Variants in ARHGAP42 observed in about 807,000 individuals in gnomAD.
ARHGAP42 encodes rho GTPase-activating protein 42.
In ARHGAP42, 63 loss-of-function variants were observed where a neutral mutation model predicts 125.0. That is an observed-to-expected ratio of 0.50 (90% CI 0.41 to 0.62). The LOEUF (loss-of-function observed/expected upper bound fraction) is 0.62, where lower values mean the gene tolerates loss of function less well. Among genes scored for constraint, ARHGAP42 ranks in the 20% least tolerant of loss-of-function variants. The pLI is 0.00. For synonymous variants in ARHGAP42, 339 were observed against 351.0 expected, an observed-to-expected ratio of 0.97 and a Z score of 0.38; for missense variants, 766 against 1,024.2, an observed-to-expected ratio of 0.75 and a Z score of 3.44.
In ARHGAP42 at chr11:100,934,031, C is replaced by G. The variant is rs11224525; in HGVS notation, c.702+771C>G. On this transcript the variant is annotated intron_variant, in intron 7 of 23. Transcript: ENST00000298815. ...CGAACTCCCGACCTCAGGTGATCCA[C>G]CCGCCACGGCCTCCCAAGTGCTGGG... Among the ~76,000 whole-genome samples the G allele has an allele frequency of 2.6e-3, 393 of 152,294 alleles. 2 individuals carry two copies. The highest frequency in any genetic ancestry group is 9.1e-3 in the African/African-American group (379 of 41,556).
intron 3 of ARHGAP42, among the ~76,000 whole-genome samples, chr11:100,815,113 G>A (rs953200042): frequency 3.3e-5 from 5 of 152,130 alleles, no homozygotes; most frequent in African/African-American, 1.2e-4. Context: ...GTTTTAGTTT[G>A]TCTCCATTAA....
chr11:100,855,066 G>T (rs1449918443), intron 3 of ARHGAP42, among the ~76,000 whole-genome samples: 1 of 152,040 alleles, frequency 6.6e-6, no homozygotes. Context: ...AATTATTTTT[G>T]CAATGAACTG....
At chr11:100,870,086 C>G (rs376984483) in intron 4 of ARHGAP42, among the ~76,000 whole-genome samples, 1 of 152,182 alleles carries the variant, frequency 6.6e-6, no homozygotes, top group South Asian at 2.1e-4. Flanking sequence ...AGACTGAAAT[C>G]TTGCTATACA....
intron 1 of ARHGAP42, among the ~76,000 whole-genome samples, chr11:100,738,155 T>C (rs1862105990): frequency 6.6e-6 from 1 of 152,198 alleles, no homozygotes; most frequent in African/African-American, 2.4e-5. Flanking sequence ...ATCGTAGAAA[T>C]ACTGTGATAG....
chr11:100,814,888 G>T (rs900887073), intron 3 of ARHGAP42, among the ~76,000 whole-genome samples: 2 of 152,318 alleles, frequency 1.3e-5, no homozygotes, highest in Admixed American at 1.3e-4. Flanking sequence ...CACTTAGTAT[G>T]TACAGATATG....
chr11:100,828,006 C>T (rs1289218844), intron 3 of ARHGAP42, among the ~76,000 whole-genome samples: 5 of 152,262 alleles, frequency 3.3e-5, no homozygotes, highest in Non-Finnish European at 5.9e-5. Context: ...CAGGGTCTGC[C>T]CACAGTCTCA....
At chr11:100,743,104 T>G (rs1171204659) in intron 1 of ARHGAP42, among the ~76,000 whole-genome samples, 2 of 152,194 alleles carry the variant, frequency 1.3e-5, no homozygotes, top group Non-Finnish European at 2.9e-5. Flanking sequence ...GCTTTCCAAT[T>G]ATCATGTTAA....
intron 22 of ARHGAP42, among the ~76,000 whole-genome samples, chr11:100,982,608 C>T (rs1445195497): frequency 6.6e-6 from 1 of 152,174 alleles, no homozygotes; most frequent in Non-Finnish European, 1.5e-5. Context: ...ATCCTTAAAA[C>T]CTTCACCTGG....
intron 1 of ARHGAP42, among the ~76,000 whole-genome samples, chr11:100,724,247 C>T (rs1201779846): frequency 6.6e-6 from 1 of 151,978 alleles, no homozygotes; most frequent in East Asian, 1.9e-4. Context: ...AGTTTTATTT[C>T]TATGTTCGTG....
At chr11:100,962,306 A>T in intron 15 of ARHGAP42, 103 bp from the exon 16 acceptor site, 1 of 898,934 alleles carries the variant, frequency 1.1e-6, no homozygotes, top group Non-Finnish European at 1.7e-6. Context: ...TTTTATTTTT[A>T]ATTGATGAAT....
intron 1 of ARHGAP42, among the ~76,000 whole-genome samples, chr11:100,721,479 C>CTTT (rs139031761): frequency 3.4e-5 from 5 of 147,734 alleles, no homozygotes; most frequent in African/African-American, 1.2e-4. Context: ...CTTTTCTTTT[C>CTTT]TTTTTTTTTT....
chr11:100,734,609 C>G (rs1047963897), intron 1 of ARHGAP42, among the ~76,000 whole-genome samples: 6 of 152,162 alleles, frequency 3.9e-5, no homozygotes, highest in African/African-American at 1.4e-4. Flanking sequence ...TAAAGGAGAG[C>G]TCTTCTGCAG....
At position 100,723,033 on chromosome 11, in the gene ARHGAP42, C is replaced by A. The variant is rs201074836; in HGVS notation, c.154+35201C>A. Reference sequence around the variant, plus strand: ...TTTTGCTTGTGGATGTCGTGTTGTTCCAGCATCATTTGTTTAAAAGACTGT... The same window carrying A: ...TTTTGCTTGTGGATGTCGTGTTGTTACAGCATCATTTGTTTAAAAGACTGT... On this transcript the variant is annotated intron_variant, in intron 1 of 23. Coordinates refer to ENST00000298815, the MANE Select transcript of ARHGAP42 (RefSeq NM_152432.4). 1.6e-4 allele frequency among the ~76,000 whole-genome samples: 24 copies of A among 152,194 alleles called. No individual in the cohort carries two copies. In the East Asian group the frequency reaches 4.6e-3, roughly 29 times the overall value.
chr11:100,694,669 GC>G (rs1861244323), intron 1 of ARHGAP42, among the ~76,000 whole-genome samples: 3 of 152,140 alleles, frequency 2.0e-5, no homozygotes, highest in African/African-American at 7.2e-5. Context: ...TTATAGTATA[GC>G]TCCAGTGGTT....
At chr11:100,800,728 C>T (rs1344292679) in intron 3 of ARHGAP42, among the ~76,000 whole-genome samples, 1 of 152,058 alleles carries the variant, frequency 6.6e-6, no homozygotes, top group Non-Finnish European at 1.5e-5. Context: ...GTTTTGATTG[C>T]TTTACCTGTT....
At chr11:100,785,280 G>A (rs780838520) in intron 2 of ARHGAP42, among the ~76,000 whole-genome samples, 1 of 152,170 alleles carries the variant, frequency 6.6e-6, no homozygotes, top group Non-Finnish European at 1.5e-5. Context: ...AGAGAGTCTT[G>A]AACTTCTCTC....
chr11:100,992,378 C>A lies in ARHGAP42; in HGVS notation c.*3577C>A. On this transcript the variant is annotated 3_prime_UTR_variant, in exon 24 of 24. Transcript: ENST00000298815. ...GTCAGGTCACGAAAAAGAACACAGG[C>A]TTGACTATTGTCCAGAAGTTACTTT... 3 of 1,614,008 alleles carry A rather than the reference C, an allele frequency of 1.9e-6. No homozygotes were observed. The highest frequency in any genetic ancestry group is 2.5e-6 in the Non-Finnish European group (3 of 1,179,902).
At chr11:100,821,229 G>A (rs1263424278) in intron 3 of ARHGAP42, among the ~76,000 whole-genome samples, 4 of 152,068 alleles carry the variant, frequency 2.6e-5, no homozygotes, top group Non-Finnish European at 5.9e-5. Flanking sequence ...TACCAGGACT[G>A]GATAGAATTC....
intron 4 of ARHGAP42, among the ~76,000 whole-genome samples, chr11:100,889,973 A>T (rs542603150): frequency 6.6e-6 from 1 of 152,194 alleles, no homozygotes; most frequent in Non-Finnish European, 1.5e-5. Context: ...TTGCCACAGT[A>T]GGCAATAGGC....
Sources: allele counts gnomAD v4.1 joint callset (sites outside exome capture counted in the v4.1 genomes callset), GRCh38; gene constraint gnomAD v4.1.1; transcripts MANE v1.5; gene names NCBI Gene and HGNC (gene_info 2026-07-23, HGNC 2026-07-21).